LYPLAL1: variants seen among roughly 807,000 people sequenced by gnomAD.
The protein encoded by LYPLAL1 is lysophospholipase like 1.
A neutral mutation model predicts 19.7 loss-of-function variants in LYPLAL1; 23 were observed. That is an observed-to-expected ratio of 1.17 (90% confidence interval 0.84 to 1.65). The LOEUF (loss-of-function observed/expected upper bound fraction) is 1.65. Ranked by LOEUF, LYPLAL1 falls within the 40% of genes most tolerant of loss-of-function variation. LYPLAL1 has a pLI of 0.00. For synonymous variants in LYPLAL1, 119 were observed against 96.3 expected, an observed-to-expected ratio of 1.24 and a Z score of -1.38; for missense variants, 355 against 279.4, an observed-to-expected ratio of 1.27 and a Z score of -1.93.
the LYPLAL1 span, among the ~76,000 whole-genome samples, chr1:219,438,607 A>G: frequency 6.6e-6 from 1 of 152,176 alleles, no homozygotes; most frequent in Admixed American, 6.5e-5. Flanking sequence ...TTTCTTGGGG[A>G]TTCCCACACA....
At chr1:219,417,937 C>A in the LYPLAL1 span, among the ~76,000 whole-genome samples, 1 of 152,242 alleles carries the variant, frequency 6.6e-6, no homozygotes, top group Non-Finnish European at 1.5e-5. Context: ...CTTACTATAT[C>A]AAGAATTCCA....
chr1:219,442,401 A>T, the LYPLAL1 span, among the ~76,000 whole-genome samples: 1 of 152,236 alleles, frequency 6.6e-6, no homozygotes, highest in African/African-American at 2.4e-5. Context: ...AAAAGAAATT[A>T]TCATTTGGAA....
At chr1:219,416,408 C>G in the LYPLAL1 span, among the ~76,000 whole-genome samples, 1 of 152,138 alleles carries the variant, frequency 6.6e-6, no homozygotes, top group Non-Finnish European at 1.5e-5. Context: ...ACAGGCAGAT[C>G]TCAGCCCAGG....
chr1:219,223,502 A>G, the LYPLAL1 span, among the ~76,000 whole-genome samples: 2 of 152,176 alleles, frequency 1.3e-5, no homozygotes, highest in African/African-American at 4.8e-5. Context: ...ATATTACTTC[A>G]AAATATATTT....
intron 1 of LYPLAL1, among the ~76,000 whole-genome samples, chr1:219,178,023 T>C (rs901441306): frequency 1.3e-5 from 2 of 152,230 alleles, no homozygotes; most frequent in Non-Finnish European, 2.9e-5. Context: ...TCTTCTGCCC[T>C]GCACTTCTCA....
the LYPLAL1 span, among the ~76,000 whole-genome samples, chr1:219,417,987 C>G: frequency 6.6e-6 from 1 of 152,236 alleles, no homozygotes; most frequent in Non-Finnish European, 1.5e-5. Context: ...TTAACTTCCC[C>G]CTGCCCAGGA....
the LYPLAL1 span, among the ~76,000 whole-genome samples, chr1:219,306,177 T>C: frequency 1.3e-5 from 2 of 152,208 alleles, no homozygotes; most frequent in East Asian, 3.8e-4. Flanking sequence ...AAAATACTTT[T>C]GGAAAATCTC....
chr1:219,411,572 A>C, the LYPLAL1 span: 8 of 152,292 alleles, frequency 5.3e-5, no homozygotes, highest in African/African-American at 1.9e-4. Context: ...AGATAAGAGA[A>C]TAAAAAGCAG....
chr1:219,390,235 C>A, the LYPLAL1 span, among the ~76,000 whole-genome samples: 1 of 152,152 alleles, frequency 6.6e-6, no homozygotes, highest in Non-Finnish European at 1.5e-5. Context: ...AAACAAGCAG[C>A]CTCAAAGTCT....
At chr1:219,404,021 T>G in the LYPLAL1 span, among the ~76,000 whole-genome samples, 17 of 152,106 alleles carry the variant, frequency 1.1e-4, no homozygotes, top group African/African-American at 4.1e-4. Context: ...CTTCCTGGCT[T>G]GCAGACACAG....
chr1:219,317,029 G>T, the LYPLAL1 span, among the ~76,000 whole-genome samples: 1 of 152,070 alleles, frequency 6.6e-6, no homozygotes, highest in African/African-American at 2.4e-5. Flanking sequence ...ATTTTAAATG[G>T]CCAAGATGGT....
the LYPLAL1 span, among the ~76,000 whole-genome samples, chr1:219,260,588 C>T: frequency 6.1e-5 from 9 of 148,530 alleles, no homozygotes; most frequent in Admixed American, 2.7e-4. Flanking sequence ...ACAGAGGGGT[C>T]GAATAATACA....
At chr1:219,290,479 A>G in the LYPLAL1 span, among the ~76,000 whole-genome samples, 1 of 152,212 alleles carries the variant, frequency 6.6e-6, no homozygotes, top group Non-Finnish European at 1.5e-5. Context: ...TGCTTTAAAA[A>G]TAATAATATT....
the LYPLAL1 span, among the ~76,000 whole-genome samples, chr1:219,253,707 G>A: frequency 1.3e-5 from 2 of 151,768 alleles, no homozygotes; most frequent in African/African-American, 2.4e-5. Flanking sequence ...TATGTGGTTC[G>A]TTTTAGAGTA....
At chr1:219,345,178 C>T in the LYPLAL1 span, among the ~76,000 whole-genome samples, 3 of 152,116 alleles carry the variant, frequency 2.0e-5, no homozygotes, top group Non-Finnish European at 4.4e-5. Flanking sequence ...AGGTAACCAT[C>T]ACTTGTTTAT....
chr1:219,373,504 A>G, the LYPLAL1 span, among the ~76,000 whole-genome samples: 1 of 152,232 alleles, frequency 6.6e-6, no homozygotes, highest in Middle Eastern at 3.4e-3. Context: ...GCTTAATCTA[A>G]TTATGACTCT....
At chr1:219,243,919 C>CAA in the LYPLAL1 span, among the ~76,000 whole-genome samples, 2,757 of 128,898 alleles carry the variant, frequency 0.021, 57 homozygotes, top group African/African-American at 0.046. Flanking sequence ...AACTCCATCT[C>CAA]AAAAAAAAAA....
the LYPLAL1 span, among the ~76,000 whole-genome samples, chr1:219,229,428 C>T: frequency 5.3e-5 from 8 of 152,018 alleles, no homozygotes; most frequent in South Asian, 2.1e-4. Flanking sequence ...CGGCGAAAAG[C>T]ATCTCTCTTC....
chr1:219,297,229 A>T, the LYPLAL1 span, among the ~76,000 whole-genome samples: 3 of 152,254 alleles, frequency 2.0e-5, no homozygotes, highest in African/African-American at 7.2e-5. Flanking sequence ...CATAGGATTA[A>T]CAATGGCTTT....
Sources: allele counts gnomAD v4.1 joint callset (sites outside exome capture counted in the v4.1 genomes callset), GRCh38; gene constraint gnomAD v4.1.1; transcripts MANE v1.5; gene names NCBI Gene and HGNC (gene_info 2026-07-23, HGNC 2026-07-21).